Variants in NRG3 observed in about 807,000 individuals in gnomAD.
NRG3 encodes the protein pro-neuregulin-3, membrane-bound isoform.
NRG3 carries 31 observed loss-of-function variants against 66.9 expected under a neutral mutation model. That is an observed-to-expected ratio of 0.46 (90% CI 0.35 to 0.63). The LOEUF (loss-of-function observed/expected upper bound fraction) is 0.63. Among genes scored for constraint, NRG3 ranks in the 20% least tolerant of loss-of-function variants. NRG3 has a pLI of 0.00. For missense variants in NRG3, 910 were observed against 878.9 expected (o/e 1.04, Z -0.45); for synonymous variants, 393 against 359.4 (o/e 1.09, Z -1.06).
At chr10:82,870,497 T>C (rs1841240634) in intron 4 of NRG3, among the ~76,000 whole-genome samples, 2 of 152,208 alleles carry the variant, frequency 1.3e-5, no homozygotes, top group Non-Finnish European at 2.9e-5. Context: ...TTAGTTTTTT[T>C]AGAAACTGCC....
chr10:82,948,652 T>C (rs1849246710), intron 4 of NRG3, among the ~76,000 whole-genome samples: 1 of 152,138 alleles, frequency 6.6e-6, no homozygotes, highest in African/African-American at 2.4e-5. Context: ...TTGATCTCTA[T>C]GTATTTTACA....
intron 1 of NRG3, among the ~76,000 whole-genome samples, chr10:82,314,306 C>T (rs1832629726): frequency 6.6e-6 from 1 of 152,092 alleles, no homozygotes; most frequent in Admixed American, 6.6e-5. Flanking sequence ...AACCACATTT[C>T]CTCATCTTTT....
At chr10:82,707,504 T>C (rs2056383120) in intron 2 of NRG3, among the ~76,000 whole-genome samples, 1 of 151,486 alleles carries the variant, frequency 6.6e-6, no homozygotes. Context: ...GGCAAGAAGC[T>C]GGTACCTCCC....
At chr10:82,591,189 C>A (rs552431236) in intron 2 of NRG3, among the ~76,000 whole-genome samples, 53 of 152,234 alleles carry the variant, frequency 3.5e-4, no homozygotes, top group Admixed American at 1.0e-3. Context: ...GCCTAGAAGA[C>A]AAGGATTAAT....
chr10:82,459,241 T>C (rs2091407634), intron 2 of NRG3, among the ~76,000 whole-genome samples: 1 of 152,228 alleles, frequency 6.6e-6, no homozygotes, highest in Non-Finnish European at 1.5e-5. Flanking sequence ...CTGTGAGCCT[T>C]TACCTTGCAT....
chr10:82,017,015 A>C (rs1014465829), intron 1 of NRG3, among the ~76,000 whole-genome samples: 40 of 152,132 alleles, frequency 2.6e-4, no homozygotes, highest in African/African-American at 9.2e-4. Context: ...TACATGTGCC[A>C]TGTTGGTGTG....
At chr10:82,203,875 C>T (rs902629892) in intron 1 of NRG3, among the ~76,000 whole-genome samples, 3 of 152,120 alleles carry the variant, frequency 2.0e-5, no homozygotes, top group Non-Finnish European at 4.4e-5. Flanking sequence ...GAATATTTAG[C>T]ATTCTCTAAT....
At chr10:82,214,972 C>T (rs2075589623) in intron 1 of NRG3, among the ~76,000 whole-genome samples, 1 of 152,088 alleles carries the variant, frequency 6.6e-6, no homozygotes, top group Non-Finnish European at 1.5e-5. Flanking sequence ...TTGATCATTC[C>T]CCATTCCCCC....
At chr10:82,357,022 T>G (rs1033896807) in intron 1 of NRG3, among the ~76,000 whole-genome samples, 1 of 152,184 alleles carries the variant, frequency 6.6e-6, no homozygotes, top group Non-Finnish European at 1.5e-5. Flanking sequence ...TTACTTGCAG[T>G]GTTGAATGCA....
chr10:82,331,728 A>C (rs746092096), intron 1 of NRG3, among the ~76,000 whole-genome samples: 11 of 152,192 alleles, frequency 7.2e-5, no homozygotes, highest in African/African-American at 2.7e-4. Flanking sequence ...TGGTTTGACC[A>C]TGCAACCTGT....
chr10:82,848,339 C>A (rs2063404035), intron 3 of NRG3, among the ~76,000 whole-genome samples: 1 of 152,172 alleles, frequency 6.6e-6, no homozygotes, highest in Non-Finnish European at 1.5e-5. Flanking sequence ...CATTTTGGAG[C>A]TTTATGATTT....
intron 1 of NRG3, among the ~76,000 whole-genome samples, chr10:82,063,340 G>A (rs575044387): frequency 4.6e-5 from 7 of 151,304 alleles, no homozygotes; most frequent in African/African-American, 1.7e-4. Context: ...GGAAATAGAA[G>A]TATTACAAAT....
chr10:82,304,396 A>T (rs778218887), intron 1 of NRG3, among the ~76,000 whole-genome samples: 4 of 152,176 alleles, frequency 2.6e-5, no homozygotes, highest in Non-Finnish European at 5.9e-5. Context: ...AACTCTTTGC[A>T]GAGTAATTTA....
chr10:81,877,110 T>C (rs1041098074), intron 1 of NRG3, among the ~76,000 whole-genome samples: 1 of 152,224 alleles, frequency 6.6e-6, no homozygotes, highest in Non-Finnish European at 1.5e-5. Flanking sequence ...ATCTTCAACC[T>C]GGGCTCAGTA....
At chr10:82,262,402 A>G (rs1184200232) in intron 1 of NRG3, among the ~76,000 whole-genome samples, 1 of 152,158 alleles carries the variant, frequency 6.6e-6, no homozygotes, top group African/African-American at 2.4e-5. Flanking sequence ...TCTGTTTGAC[A>G]TTTTGTATCT....
At chr10:82,234,855 T>C (rs1375000798) in intron 1 of NRG3, among the ~76,000 whole-genome samples, 1 of 152,240 alleles carries the variant, frequency 6.6e-6, no homozygotes, top group East Asian at 1.9e-4. Flanking sequence ...GTTGTGACCA[T>C]GCTATGCAGC....
At chr10:82,503,377 G>C (rs571700520) in intron 2 of NRG3, among the ~76,000 whole-genome samples, 1 of 152,254 alleles carries the variant, frequency 6.6e-6, no homozygotes, top group African/African-American at 2.4e-5. Flanking sequence ...CTGAGAGAAG[G>C]AACTTTGGTA....
chr10:82,346,897 G>A (rs536750153), intron 1 of NRG3, among the ~76,000 whole-genome samples: 9 of 151,944 alleles, frequency 5.9e-5, no homozygotes, highest in South Asian at 2.1e-4. Flanking sequence ...TATTTCTGTG[G>A]GATCGGTGGT....
rs540010416 is a variant in NRG3, at chr10:82,893,619, A to C, written c.1054+28182A>C. Among the ~76,000 whole-genome samples the C allele has an allele frequency of 9.2e-5, 14 of 152,212 alleles. No homozygotes were observed. In the South Asian group the frequency reaches 2.5e-3, roughly 27 times the overall value. ...AAGAGAATCATTTGAACCAGGGAGT[A>C]GGAGGTTGCAGTGAACTAAGATCGT... On this transcript the variant is annotated intron_variant, in intron 4 of 8. Coordinates refer to ENST00000372141, the MANE Select transcript of NRG3 (RefSeq NM_001010848.4).
Sources: gnomAD v4.1 joint callset for allele counts (sites outside exome capture counted in the v4.1 genomes callset) on GRCh38, gnomAD v4.1.1 for gene constraint, MANE v1.5 for transcripts, NCBI Gene and HGNC (gene_info 2026-07-23, HGNC 2026-07-21) for gene names.